ZFP1: variants seen among roughly 807,000 people sequenced by gnomAD.
The protein encoded by ZFP1 is ZFP1 zinc finger protein.
ZFP1 carries 32 observed loss-of-function variants against 38.5 expected under a neutral mutation model. That is an observed-to-expected ratio of 0.83 (90% confidence interval 0.63 to 1.12). The LOEUF is 1.12. ZFP1 is among the 50% of genes most tolerant of loss of function. The pLI, the probability that ZFP1 is intolerant of heterozygous loss-of-function variation, is 0.00. For synonymous variants in ZFP1, 245 were observed against 168.8 expected (o/e 1.45, Z -3.50); for missense variants, 616 against 480.8 (o/e 1.28, Z -2.63).
chr16:75,151,871 C>T (rs1442179615), intron 1 of ZFP1, among the ~76,000 whole-genome samples: 1 of 152,138 alleles, frequency 6.6e-6, no homozygotes, highest in African/African-American at 2.4e-5. Context: ...TAGTGCAGGT[C>T]TACTGATAAT....
upstream of ZFP1, among the ~76,000 whole-genome samples, chr16:75,145,834 T>C (rs1199602880): frequency 6.6e-6 from 1 of 152,220 alleles, no homozygotes; most frequent in Non-Finnish European, 1.5e-5. Flanking sequence ...CCTTTCTGGA[T>C]GCTGGACAAG....
chr16:75,121,188 A>G, the ZFP1 span, among the ~76,000 whole-genome samples: 75 of 150,576 alleles, frequency 5.0e-4, no homozygotes, highest in African/African-American at 1.7e-3. Flanking sequence ...TTTTTGAGAC[A>G]GAGTCTCGCT....
rs147628589 is a variant in ZFP1 at position 75,162,187 on chromosome 16, A to G, written c.16-4583A>G. On this transcript the variant is annotated intron_variant, in intron 2 of 3. Transcript: ENST00000570010. The stretch of plus-strand genomic sequence containing the variant: ...ACCCAGGCTGGAGTGTGGTGGTGCA[A>G]TCTCAGCTCACTGCAGCCTGGACCT... Among the ~76,000 whole-genome samples, 433 of 151,940 alleles carry G rather than the reference A, an allele frequency of 2.8e-3. 3 individuals are homozygous for G. Among genetic ancestry groups the G allele is most frequent in the African/African-American group, 9.3e-3 (386 of 41,436 alleles).
At chr16:75,153,583 A>AATGGG (rs2037317380) in intron 2 of ZFP1, among the ~76,000 whole-genome samples, 1 of 152,198 alleles carries the variant, frequency 6.6e-6, no homozygotes, top group African/African-American at 2.4e-5. Context: ...AGAAAAATTG[A>AATGGG]ATGGGGAATG....
chr16:75,119,373 TA>T, the ZFP1 span, among the ~76,000 whole-genome samples: 3 of 151,956 alleles, frequency 2.0e-5, no homozygotes, highest in African/African-American at 7.3e-5. Flanking sequence ...GGTCAAGATC[TA>T]AAGTTCATTT....
At chr16:75,168,983 C>G (rs1597088441) in intron 3 of ZFP1, among the ~76,000 whole-genome samples, 1 of 152,154 alleles carries the variant, frequency 6.6e-6, no homozygotes, top group Admixed American at 6.5e-5. Context: ...CTCCTTTCAC[C>G]CTCTCTGCCC....
the ZFP1 span, among the ~76,000 whole-genome samples, chr16:75,126,730 T>C: frequency 6.6e-6 from 1 of 152,204 alleles, no homozygotes; most frequent in African/African-American, 2.4e-5. Flanking sequence ...TGCAATGACT[T>C]GTAATCCTAT....
intron 3 of ZFP1, among the ~76,000 whole-genome samples, chr16:75,168,232 A>C (rs2038206659): frequency 6.6e-6 from 1 of 152,244 alleles, no homozygotes; most frequent in Non-Finnish European, 1.5e-5. Context: ...TGTTCTCCAC[A>C]GTGGCTGAAC....
Position 75,153,086 on chromosome 16 carries a change from T to C in ZFP1, c.15+120T>C, listed in dbSNP as rs80123946. ...ACAAAGGAAACATAGCAAGAATAAC[T>C]AATCAATACCAGCAGCCAAAAAGCA... On this transcript the variant is annotated intron_variant, in intron 2 of 3. Coordinates refer to ENST00000570010, the MANE Select transcript of ZFP1 (RefSeq NM_153688.4). 1.0e-3 allele frequency: 1,358 copies of C among 1,332,832 alleles called. 23 individuals carry two copies. The African/African-American group carries it at 0.019, about 18-fold the overall frequency. 82.6% of individuals were successfully genotyped at this position (1,332,832 alleles called of 1,614,324 possible).
At chr16:75,144,509 T>C (rs1287950689), upstream of ZFP1, among the ~76,000 whole-genome samples, 1 of 152,238 alleles carries the variant, frequency 6.6e-6, no homozygotes, top group East Asian at 1.9e-4. Flanking sequence ...AACATTCTTG[T>C]ATATACATCT....
chr16:75,162,374 T>G (rs2037832898), intron 2 of ZFP1, among the ~76,000 whole-genome samples: 1 of 152,000 alleles, frequency 6.6e-6, no homozygotes, highest in South Asian at 2.1e-4. Flanking sequence ...TCCACCTGCC[T>G]TGGCTCCAAA....
rs74505303 is a variant in ZFP1, at chr16:75,160,275, G to A, written c.16-6495G>A. 9.2e-3 allele frequency among the ~76,000 whole-genome samples: 1,395 copies of A among 152,286 alleles called. 13 individuals are homozygous for A. The highest frequency in any genetic ancestry group is 0.02 in the Middle Eastern group (6 of 294). On this transcript the variant is annotated intron_variant, in intron 2 of 3. Coordinates refer to ENST00000570010, the MANE Select transcript of ZFP1 (RefSeq NM_153688.4). ...TTGGCTGGGCAAGGTAGCCATGCCT[G>A]TAATCTCAGCACTTTGAAGGGCCAA...
chr16:75,123,429 A>ATGTGTGTGTGTGTGTG, the ZFP1 span, among the ~76,000 whole-genome samples: 4 of 31,682 alleles, frequency 1.3e-4, no homozygotes, highest in Admixed American at 3.7e-4. Context: ...ATATATAAGA[A>ATGTGTGTGTGTGTGTG]TGTGTGTGTG....
chr16:75,133,907 G>A, the ZFP1 span, among the ~76,000 whole-genome samples: 2 of 151,028 alleles, frequency 1.3e-5, 1 homozygote, highest in African/African-American at 5.0e-5. Context: ...AAATTAGCCA[G>A]GCGTGCTGGT....
At chr16:75,153,066 G>T in intron 2 of ZFP1, 100 bp downstream of exon 2, 1 of 1,468,406 alleles carries the variant, frequency 6.8e-7, no homozygotes, top group Non-Finnish European at 9.2e-7. Flanking sequence ...AAGACACAAA[G>T]GAAACATAGC....
the ZFP1 span, among the ~76,000 whole-genome samples, chr16:75,141,364 G>A: frequency 2.0e-5 from 3 of 151,596 alleles, no homozygotes; most frequent in Non-Finnish European, 4.4e-5. Flanking sequence ...CACCACACCT[G>A]GCTAATTTTT....
chr16:75,142,549 A>T, the ZFP1 span, among the ~76,000 whole-genome samples: 1 of 152,112 alleles, frequency 6.6e-6, no homozygotes, highest in African/African-American at 2.4e-5. Context: ...TGTCTCTAGC[A>T]CCAGTGAGCT....
rs34371791 is a variant in ZFP1, at chr16:75,149,557, C to CTTTTT, written c.-44+930_-44+934dup. On this transcript the variant is annotated intron_variant, in intron 1 of 3. Coordinates refer to ENST00000570010, the MANE Select transcript of ZFP1 (RefSeq NM_153688.4). ...TTGTACCGTTTCTTTTCTTTACTTT[C>CTTTTT]TTTTTTTTTTTTTTTTTTTTGAGAC... Among the ~76,000 whole-genome samples the CTTTTT allele has an allele frequency of 7.3e-3, 742 of 101,744 alleles. 17 individuals are homozygous for CTTTTT. Among genetic ancestry groups the CTTTTT allele is most frequent in the African/African-American group, 8.2e-3 (216 of 26,236 alleles). 66.7% of individuals were successfully genotyped at this position (101,744 alleles called of 152,430 possible). A position where few individuals can be genotyped will look rare whatever the true frequency, so the allele number is the denominator to read the frequency against.
the ZFP1 span, among the ~76,000 whole-genome samples, chr16:75,125,182 C>T: frequency 6.6e-6 from 1 of 152,108 alleles, no homozygotes; most frequent in African/African-American, 2.4e-5. Context: ...TTGCTTGCAC[C>T]TAGGAAGCAG....
Sources: gnomAD v4.1 joint callset for allele counts (sites outside exome capture counted in the v4.1 genomes callset) on GRCh38, gnomAD v4.1.1 for gene constraint, MANE v1.5 for transcripts, NCBI Gene and HGNC (gene_info 2026-07-23, HGNC 2026-07-21) for gene names.